Variants in LIN9 observed in about 807,000 individuals in gnomAD.
The protein encoded by LIN9 is protein lin-9 homolog.
Under a neutral mutation model 78.0 loss-of-function variants are expected in LIN9, and 18 were observed. The observed-to-expected ratio is 0.23, with a 90% confidence interval of 0.16 to 0.34. The LOEUF (loss-of-function observed/expected upper bound fraction) is 0.34. LIN9 is among the 10% of genes least tolerant of loss of function. LIN9 has a pLI of 1.00. For missense variants in LIN9, 451 were observed against 644.1 expected (o/e 0.70, Z 3.25); for synonymous variants, 192 against 215.2 (o/e 0.89, Z 0.94).
intron 7 of LIN9, 141 bp from the exon 8 acceptor site, chr1:226,268,231 G>C: frequency 1.4e-6 from 1 of 695,924 alleles, no homozygotes; most frequent in Non-Finnish European, 2.1e-6. Flanking sequence ...CTTTATTTTT[G>C]GCTTAGAGAA....
Position 226,245,441 on chromosome 1 carries a change from G to A in LIN9, c.1119+5398C>T, listed in dbSNP as rs559674793. On this transcript the variant is annotated intron_variant, in intron 11 of 14. Transcript: ENST00000681046. ...ACTTGTCTTTTTTCCCCCCCCCCAA[G>A]AAACAGGGTCTCACTCTGTCACCCA... 4.1e-4 allele frequency among the ~76,000 whole-genome samples: 62 copies of A among 150,064 alleles called. 1 individual carries two copies. Among genetic ancestry groups the A allele is most frequent in the Non-Finnish European group, 7.8e-4 (53 of 67,710 alleles).
At chr1:226,267,444 T>C (rs1428896713) in intron 8 of LIN9, among the ~76,000 whole-genome samples, 2 of 120,104 alleles carry the variant, frequency 1.7e-5, no homozygotes, top group African/African-American at 5.9e-5. Flanking sequence ...AAAAAAAAGA[T>C]CTCAATTCTA....
At chr1:226,255,415 G>A (rs1310171274) in intron 10 of LIN9, among the ~76,000 whole-genome samples, 1 of 152,090 alleles carries the variant, frequency 6.6e-6, no homozygotes, top group African/African-American at 2.4e-5. Context: ...TAGCCACCCC[G>A]TACCACATAA....
At chr1:226,277,685 A>G in intron 7 of LIN9, 90 bp downstream of exon 7, 1 of 1,162,540 alleles carries the variant, frequency 8.6e-7, no homozygotes, top group Non-Finnish European at 1.2e-6. Context: ...GGTAATTAAA[A>G]ATGAAATAAA....
chr1:226,302,260 G>A (rs1391142746), intron 1 of LIN9, among the ~76,000 whole-genome samples: 1 of 151,970 alleles, frequency 6.6e-6, no homozygotes, highest in East Asian at 1.9e-4. Flanking sequence ...AATCAATAGA[G>A]AGGCCGGGTG....
At chr1:226,296,894 C>T (rs915731561) in intron 3 of LIN9, among the ~76,000 whole-genome samples, 4 of 152,122 alleles carry the variant, frequency 2.6e-5, no homozygotes, top group South Asian at 2.1e-4. Context: ...CGTGGTGGCA[C>T]ACACCTGTAG....
At chr1:226,269,248 A>T (rs761412630) in intron 7 of LIN9, among the ~76,000 whole-genome samples, 1 of 152,206 alleles carries the variant, frequency 6.6e-6, no homozygotes, top group Non-Finnish European at 1.5e-5. Context: ...AGAGGACTAA[A>T]ATCTCTCTCA....
At chr1:226,299,041 G>A (rs1304266527) in intron 2 of LIN9, among the ~76,000 whole-genome samples, 1 of 152,126 alleles carries the variant, frequency 6.6e-6, no homozygotes, top group African/African-American at 2.4e-5. Context: ...GACATATTGT[G>A]AAAATAAAGA....
intron 14 of LIN9, 139 bp from the exon 15 acceptor site, chr1:226,232,745 C>A (rs1056589762): frequency 1.1e-5 from 6 of 542,550 alleles, no homozygotes; most frequent in African/African-American, 1.9e-5. Flanking sequence ...AATATATTAG[C>A]CATAATTCTA....
At chr1:226,236,517 G>A (rs1057050210) in intron 12 of LIN9, among the ~76,000 whole-genome samples, 1 of 151,928 alleles carries the variant, frequency 6.6e-6, no homozygotes, top group East Asian at 1.9e-4. Context: ...GTGCAATGGC[G>A]CAATCTCGGC....
intron 4 of LIN9, among the ~76,000 whole-genome samples, chr1:226,288,384 A>T (rs1661509460): frequency 6.6e-6 from 1 of 152,186 alleles, no homozygotes. Context: ...TACCACCACT[A>T]ACCTAGTATG....
At chr1:226,273,404 C>A (rs1320877253) in intron 7 of LIN9, among the ~76,000 whole-genome samples, 2 of 151,704 alleles carry the variant, frequency 1.3e-5, no homozygotes, top group African/African-American at 4.8e-5. Context: ...GCACAACACA[C>A]CTGACCAATT....
chr1:226,261,231 G>A (rs1351605764), intron 10 of LIN9, among the ~76,000 whole-genome samples: 1 of 151,850 alleles, frequency 6.6e-6, no homozygotes, highest in Non-Finnish European at 1.5e-5. Flanking sequence ...CAGGAAGAAG[G>A]CAACAATGTC....
chr1:226,261,657 G>T (rs1284734471), intron 10 of LIN9, among the ~76,000 whole-genome samples: 2 of 152,134 alleles, frequency 1.3e-5, no homozygotes, highest in African/African-American at 4.8e-5. Context: ...CATGTTCATG[G>T]ATAAGAAGAC....
At chr1:226,278,015 T>C in intron 6 of LIN9, 83 bp from the exon 7 acceptor site, 1 of 1,155,442 alleles carries the variant, frequency 8.7e-7, no homozygotes, top group Non-Finnish European at 1.2e-6. Flanking sequence ...TTTTTTGAGA[T>C]AGAGTCTGGC....
At chr1:226,309,081 G>C (rs745337535) in intron 1 of LIN9, 28 bp downstream of exon 1, 17 of 1,246,804 alleles carry the variant, frequency 1.4e-5, no homozygotes, top group South Asian at 3.2e-5. Context: ...GGCGGGAAAA[G>C]GGGGGGGTGC....
chr1:226,240,262 T>A (rs956384158), intron 11 of LIN9, among the ~76,000 whole-genome samples: 1 of 152,222 alleles, frequency 6.6e-6, no homozygotes, highest in Admixed American at 6.5e-5. Context: ...TTGTTGTTTT[T>A]GGGATGGCGT....
intron 4 of LIN9, among the ~76,000 whole-genome samples, chr1:226,294,192 C>A (rs982416892): frequency 6.6e-6 from 1 of 151,182 alleles, no homozygotes; most frequent in African/African-American, 2.4e-5. Context: ...CCTATAGTCC[C>A]AGCTACTTGG....
intron 10 of LIN9, among the ~76,000 whole-genome samples, chr1:226,258,752 A>G (rs1485324153): frequency 6.6e-6 from 1 of 150,948 alleles, no homozygotes; most frequent in East Asian, 2.0e-4. Flanking sequence ...TTAGCCGGGC[A>G]TGGTGGCGGG....
Sources: gnomAD v4.1 joint callset for allele counts (sites outside exome capture counted in the v4.1 genomes callset) on GRCh38, gnomAD v4.1.1 for gene constraint, MANE v1.5 for transcripts, NCBI Gene and HGNC (gene_info 2026-07-23, HGNC 2026-07-21) for gene names.